Variants in ZNF124 observed in about 807,000 individuals in gnomAD.
The protein encoded by ZNF124 is zinc finger protein HZF-16.
Under a neutral mutation model 26.6 loss-of-function variants are expected in ZNF124, and 25 were observed. The observed-to-expected ratio is 0.94, with a 90% confidence interval of 0.68 to 1.31. The LOEUF (loss-of-function observed/expected upper bound fraction) is 1.31, where lower values mean the gene tolerates loss of function less well. Ranked by LOEUF, ZNF124 falls within the 40% of genes most tolerant of loss-of-function variation. ZNF124 has a pLI of 0.00. For synonymous variants in ZNF124, 129 were observed against 133.3 expected (o/e 0.97, Z 0.22); for missense variants, 444 against 422.2 (o/e 1.05, Z -0.45).
chr1:247,141,675 G>A (rs1255465879), intron 3 of ZNF124, among the ~76,000 whole-genome samples: 1 of 152,152 alleles, frequency 6.6e-6, no homozygotes, highest in Non-Finnish European at 1.5e-5. Flanking sequence ...AGCCATGGGA[G>A]AGGTGACTGT....
chr1:247,151,558 G>A (rs1672945550), downstream of ZNF124, among the ~76,000 whole-genome samples: 1 of 151,584 alleles, frequency 6.6e-6, no homozygotes, highest in Non-Finnish European at 1.5e-5. Flanking sequence ...GGCATGAAAA[G>A]TGTTACAAGT....
intron 3 of ZNF124, among the ~76,000 whole-genome samples, chr1:247,124,588 C>T (rs1471186473): frequency 6.6e-6 from 1 of 152,178 alleles, no homozygotes; most frequent in Non-Finnish European, 1.5e-5. Flanking sequence ...AGAAATTCTG[C>T]ATCCTGTAGC....
At chr1:247,169,606 T>A (rs568760556) in intron 1 of ZNF124, among the ~76,000 whole-genome samples, 12 of 149,224 alleles carry the variant, frequency 8.0e-5, no homozygotes, top group African/African-American at 2.4e-4. Context: ...ACCTGTGCCG[T>A]GTCCCCACTG....
At position 247,155,087 on chromosome 1, in the gene ZNF124, T is replaced by G. The variant is rs1673053094; in HGVS notation, c.*1479A>C. Among the ~76,000 whole-genome samples, 1 of 152,228 alleles carries G rather than the reference T, an allele frequency of 6.6e-6. No individual in the cohort carries two copies. The highest frequency in any genetic ancestry group is 2.4e-5 in the African/African-American group (1 of 41,460). ...CTTTCTCAGATTAGACACAAGACAC[T>G]GTTCGATCACAGGTCTCTCTCCTTA... On this transcript the variant is annotated 3_prime_UTR_variant, in exon 4 of 4. Transcript: ENST00000543802.
chr1:247,161,912 C>T (rs1007469736), intron 1 of ZNF124, among the ~76,000 whole-genome samples: 5 of 152,176 alleles, frequency 3.3e-5, no homozygotes, highest in African/African-American at 9.6e-5. Context: ...AACTTTACCA[C>T]AATCTACAGT....
chr1:247,164,316 A>T (rs139579725), intron 1 of ZNF124, among the ~76,000 whole-genome samples: 2 of 152,146 alleles, frequency 1.3e-5, no homozygotes, highest in Non-Finnish European at 2.9e-5. Context: ...CAGGAAATCA[A>T]ACTTCTCTGT....
chr1:247,172,358 C>A (rs930832135), upstream of ZNF124, among the ~76,000 whole-genome samples: 1 of 151,882 alleles, frequency 6.6e-6, no homozygotes, highest in African/African-American at 2.4e-5. Context: ...ACTTATTAAC[C>A]TTCATGGCCT....
At chr1:247,137,487 C>CAAAAAAAAAAA (rs56926662) in intron 3 of ZNF124, among the ~76,000 whole-genome samples, 21 of 81,616 alleles carry the variant, frequency 2.6e-4, no homozygotes, top group Non-Finnish European at 3.6e-4. Flanking sequence ...ACTAAAAATA[C>CAAAAAAAAAAA]AAAAAAAAAA....
intron 3 of ZNF124, among the ~76,000 whole-genome samples, chr1:247,140,881 G>A (rs1400650250): frequency 1.3e-5 from 2 of 152,160 alleles, no homozygotes; most frequent in African/African-American, 4.8e-5. Context: ...TGTTCTGAAA[G>A]TGTGGGCTTC....
At chr1:247,135,426 G>GA (rs1220316412) in intron 3 of ZNF124, among the ~76,000 whole-genome samples, 1 of 152,106 alleles carries the variant, frequency 6.6e-6, no homozygotes, top group African/African-American at 2.4e-5. Flanking sequence ...AAATAAACTA[G>GA]AAAATCTAGA....
At chr1:247,159,963 C>T in intron 1 of ZNF124, 150 bp from the exon 2 acceptor site, 2 of 596,394 alleles carry the variant, frequency 3.4e-6, no homozygotes, top group Non-Finnish European at 5.0e-6. Context: ...CACTTCCTTT[C>T]TCCCACATAG....
intron 3 of ZNF124, among the ~76,000 whole-genome samples, chr1:247,145,633 GTT>G (rs55923514): frequency 1.1e-3 from 161 of 144,440 alleles, no homozygotes; most frequent in African/African-American, 3.7e-3. Context: ...AAAAACTTCT[GTT>G]TTTTTTTTTT....
rs533051685 is a variant in ZNF124 at position 247,158,276 on chromosome 1, C to A, written c.218+730G>T. ...AACAAAACAAAACAAAACAAAAAAA[C>A]CCCAAAAACTTTGGCACTTCCTTTC... On this transcript the variant is annotated intron_variant, in intron 3 of 3. Transcript: ENST00000543802. 6.6e-5 allele frequency among the ~76,000 whole-genome samples: 10 copies of A among 151,904 alleles called. No homozygotes were observed. The South Asian group carries it at 1.5e-3, about 22-fold the overall frequency.
At chr1:247,138,235 G>A (rs1410112958) in intron 3 of ZNF124, 2 of 152,066 alleles carry the variant, frequency 1.3e-5, no homozygotes, top group African/African-American at 4.8e-5. Context: ...ACTGGATAAA[G>A]AAAATGTGGT....
At chr1:247,159,484 T>C (rs537500492) in intron 2 of ZNF124, among the ~76,000 whole-genome samples, 61 of 152,308 alleles carry the variant, frequency 4.0e-4, no homozygotes, top group African/African-American at 1.4e-3. Flanking sequence ...TATAAAACTA[T>C]TTTTGTAAAT....
At chr1:247,151,083 A>G (rs1672922050), downstream of ZNF124, among the ~76,000 whole-genome samples, 1 of 152,166 alleles carries the variant, frequency 6.6e-6, no homozygotes, top group Non-Finnish European at 1.5e-5. Flanking sequence ...CAATAACTAA[A>G]AAGTGTGCTG....
intron 3 of ZNF124, among the ~76,000 whole-genome samples, chr1:247,132,702 C>CCT (rs2103100871): frequency 6.6e-6 from 1 of 152,326 alleles, no homozygotes; most frequent in South Asian, 2.1e-4. Context: ...CGACCCCTGA[C>CCT]CTAACCGGTT....
At chr1:247,122,746 G>C (rs545601708) in exon 4 of ZNF124, 10 of 152,322 alleles carry the variant, frequency 6.6e-5, no homozygotes, top group African/African-American at 2.4e-4. Context: ...AGTGCACAAG[G>C]CGATGACCTT....
chr1:247,147,685 C>T (rs1672821798), intron 3 of ZNF124, among the ~76,000 whole-genome samples: 1 of 152,176 alleles, frequency 6.6e-6, no homozygotes, highest in Admixed American at 6.5e-5. Context: ...TAAAGGTTCT[C>T]ATGATAAAGA....
Sources: allele counts gnomAD v4.1 joint callset (sites outside exome capture counted in the v4.1 genomes callset), GRCh38; gene constraint gnomAD v4.1.1; transcripts MANE v1.5; gene names NCBI Gene and HGNC (gene_info 2026-07-23, HGNC 2026-07-21).